Variants in TEAD4 observed in about 807,000 individuals in gnomAD.
TEAD4 encodes the protein transcriptional enhancer factor TEF-3.
TEAD4 carries 36 observed loss-of-function variants against 52.4 expected under a neutral mutation model. That is an observed-to-expected ratio of 0.69 (90% confidence interval 0.53 to 0.91). The LOEUF (loss-of-function observed/expected upper bound fraction) is 0.91. Among genes scored for constraint, TEAD4 ranks in the 40% least tolerant of loss-of-function variants. The probability of loss-of-function intolerance (pLI) is 0.00; values close to 1 mark genes in which losing one functional copy is unlikely to be tolerated. For synonymous variants in TEAD4, 220 were observed against 231.0 expected, an observed-to-expected ratio of 0.95 and a Z score of 0.43; for missense variants, 508 against 583.9, an observed-to-expected ratio of 0.87 and a Z score of 1.34.
chr12:2,976,273 A>G (rs6489413), intron 2 of TEAD4, among the ~76,000 whole-genome samples: 126,594 of 150,984 alleles, frequency 0.84, 53,868 homozygotes, highest in Middle Eastern at 0.91. Flanking sequence ...CGGCCTCCCA[A>G]AGTGCTGGGA....
chr12:3,022,142 G>T, intron 10 of TEAD4, 125 bp downstream of exon 10: 2 of 1,276,292 alleles, frequency 1.6e-6, no homozygotes, highest in Non-Finnish European at 2.2e-6. Flanking sequence ...CAGTGAGAAG[G>T]GGAGAGTAAG....
rs1049456768 is a variant in TEAD4 at position 3,014,874 on chromosome 12, C to T, written c.355-2524C>T. 1.1e-4 allele frequency among the ~76,000 whole-genome samples: 16 copies of T among 152,352 alleles called. No individual in the cohort carries two copies. The South Asian group carries it at 2.3e-3, about 22-fold the overall frequency. Reference sequence around the variant, plus strand: ...GGCAGGCACTGAGTAGATGCAGCCCCGGCCTCGTGATGGAGTTGTTAAGTG... The same window carrying T: ...GGCAGGCACTGAGTAGATGCAGCCCTGGCCTCGTGATGGAGTTGTTAAGTG... On this transcript the variant is annotated intron_variant, in intron 5 of 12. Coordinates refer to ENST00000359864, the MANE Select transcript of TEAD4 (RefSeq NM_003213.4).
intron 2 of TEAD4, among the ~76,000 whole-genome samples, chr12:2,981,716 C>T (rs1162189941): frequency 6.6e-6 from 1 of 152,116 alleles, no homozygotes; most frequent in Non-Finnish European, 1.5e-5. Flanking sequence ...TACTGAGGCC[C>T]ACCCTAAGCA....
chr12:3,016,937 A>T, intron 5 of TEAD4: 1 of 372,642 alleles, frequency 2.7e-6, no homozygotes, highest in Non-Finnish European at 5.4e-6. Context: ...TCCTTAGGGC[A>T]GGACTGAGGC....
intron 10 of TEAD4, among the ~76,000 whole-genome samples, chr12:3,033,756 G>C (rs1031406124): frequency 2.0e-5 from 3 of 152,204 alleles, no homozygotes; most frequent in African/African-American, 7.2e-5. Context: ...AGGGTTGCAA[G>C]GGGGCACTCA....
rs2098245862 is a variant in TEAD4 at position 2,994,783 on chromosome 12, GCACCATTACCTCCA to G, written c.18_31del (p.Thr7ArgfsTer9). 5 of 1,612,126 alleles carry G rather than the reference GCACCATTACCTCCA, an allele frequency of 3.1e-6. No individual in the cohort carries two copies. The highest frequency in any genetic ancestry group is 3.4e-6 in the Non-Finnish European group (4 of 1,179,218). The stretch of plus-strand genomic sequence containing the variant: ...AGCGGAGCCTTGGAGGGCACGGCCG[GCACCATTACCTCCA>G]ACGAGTGGAGCTCTCCCACCTCCCC... On this transcript the variant is annotated frameshift_variant, in exon 3 of 13. Transcript: ENST00000359864. LOFTEE classifies it high-confidence loss of function. The surrounding 1 kb of genome is among the most constrained non-coding windows in gnomAD (Gnocchi z 4.7).
intron 4 of TEAD4, among the ~76,000 whole-genome samples, chr12:3,011,308 G>A (rs998153776): frequency 2.0e-5 from 3 of 151,954 alleles, no homozygotes; most frequent in Admixed American, 6.6e-5. Flanking sequence ...TCGGCTCACC[G>A]CAACCTTCTC....
chr12:2,978,888 T>A (rs966746781), intron 2 of TEAD4, among the ~76,000 whole-genome samples: 32 of 152,128 alleles, frequency 2.1e-4, no homozygotes, highest in Non-Finnish European at 3.5e-4. Flanking sequence ...TCATCCATGT[T>A]GTAGCCTATG....
Position 3,011,087 on chromosome 12 carries a change from G to T in TEAD4, c.291+19G>T. 1 of 1,613,988 alleles carries T rather than the reference G, an allele frequency of 6.2e-7. No homozygotes were observed. The highest frequency in any genetic ancestry group is 1.1e-5 in the South Asian group (1 of 91,076). On this transcript the variant is annotated intron_variant, in intron 4 of 12. Transcript: ENST00000359864. ...GAAGCAGGTGGGCCTCAAGAGACGGGTAGGGGTCCCGGGGGTGGTACCCCA... is the reference window on the plus strand; with the variant it reads ...GAAGCAGGTGGGCCTCAAGAGACGGTTAGGGGTCCCGGGGGTGGTACCCCA...
chr12:3,007,356 G>A (rs147569501), intron 3 of TEAD4, among the ~76,000 whole-genome samples: 3 of 152,190 alleles, frequency 2.0e-5, no homozygotes, highest in Admixed American at 1.3e-4. Context: ...AAGCATCCTC[G>A]CTTGGCCAGG....
chr12:3,020,588 C>T (rs751461343), intron 8 of TEAD4, 46 bp from the exon 9 acceptor site: 6 of 1,485,846 alleles, frequency 4.0e-6, no homozygotes, highest in African/African-American at 1.4e-5. Flanking sequence ...GCGGGCAGGG[C>T]GGGTGTCCGT....
chr12:3,022,480 G>A (rs1444323355), intron 10 of TEAD4, among the ~76,000 whole-genome samples: 1 of 152,296 alleles, frequency 6.6e-6, no homozygotes, highest in East Asian at 1.9e-4. Flanking sequence ...GAAGGGGAGG[G>A]AAGTGTTGGA....
chr12:3,020,820 CCT>C, intron 9 of TEAD4, 47 bp downstream of exon 9: 1 of 1,493,952 alleles, frequency 6.7e-7, no homozygotes. Context: ...ACCCCCTCTC[CCT>C]CTGTTTCTGC....
At chr12:3,010,165 G>A (rs552798043) in intron 3 of TEAD4, among the ~76,000 whole-genome samples, 8 of 152,220 alleles carry the variant, frequency 5.3e-5, no homozygotes, top group African/African-American at 1.7e-4. Context: ...CACCCAGCCC[G>A]AACTGGCCCC....
chr12:3,032,916 C>T (rs1297239976), intron 10 of TEAD4, among the ~76,000 whole-genome samples: 5 of 152,338 alleles, frequency 3.3e-5, no homozygotes, highest in East Asian at 1.9e-4. Context: ...CAGGCTGCCC[C>T]GGCTCCCCCC....
chr12:3,020,772 C>T lies in TEAD4; in HGVS notation c.722C>T (p.Thr241Met), dbSNP rs765047253. The T allele has an allele frequency of 7.3e-5, 117 of 1,602,714 alleles. No homozygotes were observed. The highest frequency in any genetic ancestry group is 1.7e-4 in the Middle Eastern group (1 of 6,060). The change falls in exon 9 of 13, where the codon ACG (threonine) becomes ATG (methionine). Residue 241 changes from threonine to methionine, a missense_variant and splice_region_variant. Transcript: ENST00000359864. ...CTGGAGCAGCAGCAGGACCCGGACA[C>T]GGTAGGTCCTGGCCTCTGCCTGTCC...
At chr12:3,007,176 T>C (rs1382397173) in intron 3 of TEAD4, among the ~76,000 whole-genome samples, 1 of 152,088 alleles carries the variant, frequency 6.6e-6, no homozygotes, top group Non-Finnish European at 1.5e-5. Context: ...AGGGTAGTTG[T>C]GGGGTGGTGG....
intron 2 of TEAD4, among the ~76,000 whole-genome samples, chr12:2,976,835 G>GCCAGAGTAGCACAGCACATT (rs2098230118): frequency 6.6e-6 from 1 of 152,180 alleles, no homozygotes; most frequent in Non-Finnish European, 1.5e-5. Context: ...TTGGGCCTGG[G>GCCAGAGTAGCACAGCACATT]CTGGGGCCTG....
chr12:2,995,174 G>T (rs1389799639), intron 3 of TEAD4, among the ~76,000 whole-genome samples, 182 bp downstream of exon 3: 1 of 152,146 alleles, frequency 6.6e-6, no homozygotes, highest in Non-Finnish European at 1.5e-5. Flanking sequence ...AGCCTGTGAG[G>T]GGGTGTGGAG....
Sources: gnomAD v4.1 joint callset for allele counts (sites outside exome capture counted in the v4.1 genomes callset) on GRCh38, gnomAD v4.1.1 for gene constraint, Gnocchi (gnomAD v3.1) non-coding constraint, MANE v1.5 for transcripts, NCBI Gene and HGNC (gene_info 2026-07-23, HGNC 2026-07-21) for gene names.